RTL4: variants seen among roughly 807,000 people sequenced by gnomAD.
RTL4 encodes retrotransposon Gag like 4.
RTL4 carries 4 observed loss-of-function variants against 5.3 expected under a neutral mutation model. That is an observed-to-expected ratio of 0.75 (90% confidence interval 0.37 to 1.72). The LOEUF is 1.72. Ranked by LOEUF, RTL4 falls within the 40% of genes most tolerant of loss-of-function variation. The pLI, the probability that RTL4 is intolerant of heterozygous loss-of-function variation, is 0.04. For missense variants in RTL4, 260 were observed against 227.1 expected (o/e 1.14, Z -0.93); for synonymous variants, 98 against 87.3 (o/e 1.12, Z -0.68).
chrX:112,145,421 G>C, the RTL4 span, among the ~76,000 whole-genome samples: 1 of 111,202 alleles, frequency 9.0e-6, no homozygotes, highest in East Asian at 2.8e-4. Context: ...TTTGGAAAGG[G>C]GACTTCACAG....
chrX:112,097,472 C>T, the RTL4 span, among the ~76,000 whole-genome samples: 1 of 110,306 alleles, frequency 9.1e-6, no homozygotes, highest in East Asian at 2.9e-4. Flanking sequence ...CTCACCTCTA[C>T]AAAAAATACA....
the RTL4 span, among the ~76,000 whole-genome samples, chrX:112,122,886 T>A: frequency 1.8e-5 from 2 of 111,869 alleles, no homozygotes; most frequent in Non-Finnish European, 1.9e-5. Context: ...TATTTATTTT[T>A]AAATTTTTCA....
At chrX:112,121,128 C>G in the RTL4 span, among the ~76,000 whole-genome samples, 1 of 111,904 alleles carries the variant, frequency 8.9e-6, no homozygotes, top group Non-Finnish European at 1.9e-5. Context: ...ACATGTACCC[C>G]TGAACTTAAC....
chrX:112,362,572 G>GAGA, the RTL4 span, among the ~76,000 whole-genome samples: 1,652 of 111,293 alleles, frequency 0.015, 34 homozygotes, highest in African/African-American at 0.051. Context: ...TATGGTGTTT[G>GAGA]AGAAGAAAGT....
At chrX:112,166,117 A>T in the RTL4 span, among the ~76,000 whole-genome samples, 15 of 112,147 alleles carry the variant, frequency 1.3e-4, no homozygotes, top group Admixed American at 6.6e-4. Flanking sequence ...GCAATGGCGT[A>T]AGAATCCATG....
the RTL4 span, among the ~76,000 whole-genome samples, chrX:112,359,081 T>A: frequency 9.0e-6 from 1 of 111,694 alleles, no homozygotes; most frequent in Non-Finnish European, 1.9e-5. Context: ...CTATAATATA[T>A]CAAACCTTCA....
At chrX:112,354,478 A>C in the RTL4 span, among the ~76,000 whole-genome samples, 1 of 111,751 alleles carries the variant, frequency 8.9e-6, no homozygotes, top group Non-Finnish European at 1.9e-5. Context: ...GATCCCATAA[A>C]ATTGGTTTTC....
the RTL4 span, among the ~76,000 whole-genome samples, chrX:112,301,552 GT>G: frequency 7.5e-5 from 8 of 107,328 alleles, no homozygotes; most frequent in African/African-American, 1.7e-4. Context: ...GAAGCAGACA[GT>G]TTTTTTTTTC....
chrX:112,190,142 TTCTTTC>T, the RTL4 span, among the ~76,000 whole-genome samples: 1 of 28,702 alleles, frequency 3.5e-5, no homozygotes, highest in Non-Finnish European at 6.4e-5. Context: ...GCCTGTCCCT[TTCTTTC>T]TTTCTTTCTT....
chrX:112,208,409 GC>G, the RTL4 span, among the ~76,000 whole-genome samples: 5 of 111,897 alleles, frequency 4.5e-5, no homozygotes, highest in Non-Finnish European at 9.4e-5. Flanking sequence ...TAGTTCTGAG[GC>G]CAAGTTCTCA....
At chrX:112,207,458 A>G in the RTL4 span, among the ~76,000 whole-genome samples, 1 of 111,863 alleles carries the variant, frequency 8.9e-6, no homozygotes, top group African/African-American at 3.3e-5. Flanking sequence ...TTTCAGGCTG[A>G]AAAATTTGTT....
chrX:112,205,996 C>T, the RTL4 span, among the ~76,000 whole-genome samples: 3 of 111,995 alleles, frequency 2.7e-5, no homozygotes, highest in African/African-American at 6.5e-5. Context: ...AATGTTTGCA[C>T]ACAGTTAATA....
At chrX:112,220,793 C>T in the RTL4 span, among the ~76,000 whole-genome samples, 9 of 111,964 alleles carry the variant, frequency 8.0e-5, no homozygotes, top group African/African-American at 2.9e-4. Flanking sequence ...CAACAAGTTC[C>T]TCATCTCCAT....
At chrX:112,335,814 A>C in the RTL4 span, among the ~76,000 whole-genome samples, 1 of 107,282 alleles carries the variant, frequency 9.3e-6, no homozygotes, top group Admixed American at 1.0e-4. Flanking sequence ...TAAAATCTTT[A>C]TTTATTTATT....
chrX:112,189,970 A>G, the RTL4 span, among the ~76,000 whole-genome samples: 1 of 111,966 alleles, frequency 8.9e-6, no homozygotes, highest in Non-Finnish European at 1.9e-5. Context: ...TTGCTGATAT[A>G]CAAGATAAGC....
the RTL4 span, chrX:112,381,659 C>T: frequency 8.3e-7 from 1 of 1,209,822 alleles, no homozygotes; most frequent in Non-Finnish European, 1.1e-6. Flanking sequence ...TAAAGCAGCG[C>T]TCTTGCAAAA....
At chrX:112,330,373 G>A in the RTL4 span, among the ~76,000 whole-genome samples, 7 of 81,551 alleles carry the variant, frequency 8.6e-5, no homozygotes, top group African/African-American at 4.9e-4. Flanking sequence ...ACAACAGACA[G>A]AGAGCCAAAT....
the RTL4 span, among the ~76,000 whole-genome samples, chrX:112,291,987 T>C: frequency 9.0e-6 from 1 of 111,292 alleles, no homozygotes; most frequent in African/African-American, 3.3e-5. Flanking sequence ...CTACTTCTCC[T>C]ACACTCACTA....
the RTL4 span, among the ~76,000 whole-genome samples, chrX:112,153,566 T>C: frequency 2.7e-5 from 3 of 112,106 alleles, no homozygotes; most frequent in Non-Finnish European, 5.7e-5. Flanking sequence ...GCATCCACGA[T>C]CCAAACATTT....
Sources: gnomAD v4.1 joint callset for allele counts (sites outside exome capture counted in the v4.1 genomes callset) on GRCh38, gnomAD v4.1.1 for gene constraint, MANE v1.5 for transcripts, NCBI Gene and HGNC (gene_info 2026-07-23, HGNC 2026-07-21) for gene names.